UGT1A10: variants seen among roughly 807,000 people sequenced by gnomAD.
UGT1A10 encodes UDP-glucuronosyltransferase 1A10.
Under a neutral mutation model 45.8 loss-of-function variants are expected in UGT1A10, and 49 were observed. That is an observed-to-expected ratio of 1.07 (90% CI 0.85 to 1.36). The LOEUF (loss-of-function observed/expected upper bound fraction) is 1.36, where lower values mean the gene tolerates loss of function less well. UGT1A10 is among the 40% of genes most tolerant of loss of function. UGT1A10 has a pLI of 0.00. For missense variants in UGT1A10, 745 were observed against 668.6 expected, an observed-to-expected ratio of 1.11 and a Z score of -1.26; for synonymous variants, 284 against 249.7, an observed-to-expected ratio of 1.14 and a Z score of -1.29.
chr2:233,719,349 C>T (rs2076756865), intron 1 of UGT1A10: 2 of 1,613,758 alleles, frequency 1.2e-6, no homozygotes, highest in Admixed American at 1.7e-5. Context: ...GAGGTACATT[C>T]CATGTGACTT....
intron 1 of UGT1A10, among the ~76,000 whole-genome samples, chr2:233,732,992 G>A (rs1489601833): frequency 1.3e-5 from 2 of 152,152 alleles, no homozygotes; most frequent in Non-Finnish European, 2.9e-5. Context: ...TCGTTGAGCA[G>A]TGGTTTGTAG....
At position 233,743,541 on chromosome 2, in the gene UGT1A10, A is replaced by AC. The variant is rs544018510; in HGVS notation, c.856-23486dup. On this transcript the variant is annotated intron_variant, in intron 1 of 4. Coordinates refer to ENST00000344644, the MANE Select transcript of UGT1A10 (RefSeq NM_019075.4). ...TTCTGCTTCCCCAGCAGTTCCTCTG[A>AC]CCCCCCCAAAATATTCTCCAGCGGG... 1.1e-3 allele frequency: 1,461 copies of AC among 1,366,810 alleles called. 41 individuals carry two copies. The African/African-American group carries it at 0.017, about 16-fold the overall frequency. The allele number at this position is 1,366,810 out of a possible 1,614,324, so 84.7% of individuals were successfully genotyped here. A position where few individuals can be genotyped will look rare whatever the true frequency, so the allele number is the denominator to read the frequency against.
chr2:233,681,936 T>C (rs1250041568), intron 1 of UGT1A10: 1 of 1,611,852 alleles, frequency 6.2e-7, no homozygotes, highest in Admixed American at 1.7e-5. Flanking sequence ...TGAAGTTCTC[T>C]GATGGCTCGT....
At chr2:233,664,475 T>G (rs577112559) in intron 1 of UGT1A10, among the ~76,000 whole-genome samples, 14 of 152,344 alleles carry the variant, frequency 9.2e-5, no homozygotes, top group Admixed American at 5.9e-4. Context: ...AAAAGAGGTT[T>G]AATTGGCTCA....
At chr2:233,729,556 A>T (rs150465811) in intron 1 of UGT1A10, 1 of 1,614,134 alleles carries the variant, frequency 6.2e-7, no homozygotes, top group East Asian at 2.2e-5. Context: ...CCTGAATGCT[A>T]CTTCCTTTGA....
chr2:233,642,443 G>A (rs1238089040), intron 1 of UGT1A10, among the ~76,000 whole-genome samples: 1 of 152,150 alleles, frequency 6.6e-6, no homozygotes, highest in African/African-American at 2.4e-5. Flanking sequence ...ATTTCTTTGA[G>A]TTTCCTCAAC....
At chr2:233,704,169 G>A (rs1358460644) in intron 1 of UGT1A10, among the ~76,000 whole-genome samples, 1 of 151,694 alleles carries the variant, frequency 6.6e-6, no homozygotes, top group Non-Finnish European at 1.5e-5. Context: ...GGGATTACAG[G>A]TGTGAGCCAC....
intron 4 of UGT1A10, among the ~76,000 whole-genome samples, chr2:233,771,908 A>G (rs1288111972): frequency 2.6e-5 from 4 of 151,904 alleles, no homozygotes; most frequent in African/African-American, 9.7e-5. Context: ...TTCAGGTGAT[A>G]ATAGTAACAC....
chr2:233,700,726 TTTA>T lies in UGT1A10; in HGVS notation c.855+63360_855+63362del, dbSNP rs904006710. ...AATGTTTTTTTCTTTTTTTAAAAAT[TTTA>T]TTATTATTATACTTTAAGTTTTAGG... On this transcript the variant is annotated intron_variant, in intron 1 of 4. Coordinates refer to ENST00000344644, the MANE Select transcript of UGT1A10 (RefSeq NM_019075.4). Among the ~76,000 whole-genome samples the T allele has an allele frequency of 5.9e-5, 9 of 152,186 alleles. No individual in the cohort carries two copies. In the South Asian group the frequency reaches 6.2e-4, roughly 11 times the overall value.
chr2:233,681,308 C>T (rs1559338818), intron 1 of UGT1A10, among the ~76,000 whole-genome samples: 1 of 151,822 alleles, frequency 6.6e-6, no homozygotes, highest in Non-Finnish European at 1.5e-5. Context: ...CCGAGATGGG[C>T]AGATTGCCTG....
chr2:233,719,682 T>C lies in UGT1A10; in HGVS notation c.856-47352T>C, dbSNP rs2076795429. 1 of 1,613,968 alleles carries C rather than the reference T, an allele frequency of 6.2e-7. No individual in the cohort carries two copies. Among genetic ancestry groups the C allele is most frequent in the Admixed American group, 1.7e-5 (1 of 60,002 alleles). The stretch of plus-strand genomic sequence containing the variant: ...CAACTGTGCCAACGGGAAGCCACTA[T>C]CTCAGGTCTGTATTGGTGCCTTCAT... On this transcript the variant is annotated intron_variant, in intron 1 of 4. Transcript: ENST00000344644.
intron 1 of UGT1A10, chr2:233,719,408 G>C (rs762624701): frequency 6.2e-7 from 1 of 1,613,826 alleles, no homozygotes. Flanking sequence ...ATATTCCTAA[G>C]TTACTAACGA....
rs1369238146 is a variant in UGT1A10, at chr2:233,713,189, T to C, written c.856-53845T>C. 3 of 1,614,214 alleles carry C rather than the reference T, an allele frequency of 1.9e-6. No individual in the cohort carries two copies. The East Asian group carries it at 6.7e-5, about 36-fold the overall frequency. On this transcript the variant is annotated intron_variant, in intron 1 of 4. Coordinates refer to ENST00000344644, the MANE Select transcript of UGT1A10 (RefSeq NM_019075.4). ...TGGTGGTCCTCACCCTGGAGGTGAA[T>C]ATGTACATCAAAGAAGAGAACTTTT...
At chr2:233,716,512 C>T (rs1056007201) in intron 1 of UGT1A10, among the ~76,000 whole-genome samples, 3 of 152,196 alleles carry the variant, frequency 2.0e-5, no homozygotes, top group Non-Finnish European at 4.4e-5. Flanking sequence ...TCAGAGCTCT[C>T]AGCTTACCAT....
rs569317540 is a variant in UGT1A10 at position 233,719,363 on chromosome 2, C to G, written c.856-47671C>G. 2.5e-6 allele frequency: 4 copies of G among 1,613,942 alleles called. No individual in the cohort carries two copies. The African/African-American group carries it at 4.0e-5, about 16-fold the overall frequency. On this transcript the variant is annotated intron_variant, in intron 1 of 4. Transcript: ENST00000344644. ...GGAGGTACATTCCATGTGACTTAGA[C>G]TTTAAGGGCACACAGTGTCCAAATC...
Position 233,772,900 on chromosome 2 carries a change from C to A in UGT1A10, c.*341C>A. Reference sequence around the variant, plus strand: ...GCGGGATTCAAAGGTGGTCCCACGGCTGCCCCTACTGCAAATGGCAGTTTT... The same window carrying A: ...GCGGGATTCAAAGGTGGTCCCACGGATGCCCCTACTGCAAATGGCAGTTTT... On this transcript the variant is annotated 3_prime_UTR_variant, in exon 5 of 5. Coordinates refer to ENST00000344644, the MANE Select transcript of UGT1A10 (RefSeq NM_019075.4). 2.4e-6 allele frequency: 1 copy of A among 417,126 alleles called. No homozygotes were observed. The highest frequency in any genetic ancestry group is 4.1e-6 in the Non-Finnish European group (1 of 243,572). The allele number at this position is 417,126 out of a possible 1,614,324, so 25.8% of individuals were successfully genotyped here.
intron 1 of UGT1A10, among the ~76,000 whole-genome samples, chr2:233,683,208 A>G (rs1430316292): frequency 6.6e-6 from 1 of 152,056 alleles, no homozygotes; most frequent in Non-Finnish European, 1.5e-5. Flanking sequence ...TGTCACTTCT[A>G]TTTTATCAAT....
intron 1 of UGT1A10, chr2:233,691,420 A>T: frequency 1.0e-6 from 1 of 985,520 alleles, no homozygotes; most frequent in Non-Finnish European, 1.2e-6. Flanking sequence ...TGGCCCCTCT[A>T]ATCATGTTGC....
intron 4 of UGT1A10, 68 bp from the exon 5 acceptor site, chr2:233,772,194 T>G (rs921300076): frequency 1.9e-6 from 3 of 1,602,000 alleles, no homozygotes; most frequent in African/African-American, 2.7e-5. Context: ...TAAGCAGCCA[T>G]GAGCATAAAG....
Sources: allele counts gnomAD v4.1 joint callset (sites outside exome capture counted in the v4.1 genomes callset), GRCh38; gene constraint gnomAD v4.1.1; transcripts MANE v1.5; gene names NCBI Gene and HGNC (gene_info 2026-07-23, HGNC 2026-07-21).